Variants in AFF1 observed in about 807,000 individuals in gnomAD.
AFF1 encodes the protein ALF transcription elongation factor 1.
AFF1 carries 48 observed loss-of-function variants against 121.7 expected under a neutral mutation model. The ratio of observed to expected loss-of-function variants is 0.39; its 90% CI spans 0.31 to 0.50. The LOEUF is 0.50. Ranked by LOEUF, AFF1 falls within the 20% of genes least tolerant of loss-of-function variation. AFF1 has a pLI of 0.76. For synonymous variants in AFF1, 613 were observed against 563.0 expected (o/e 1.09, Z -1.26); for missense variants, 1,523 against 1,511.7 (o/e 1.01, Z -0.12).
At chr4:87,090,162 T>A in intron 6 of AFF1, 92 bp downstream of exon 6, 1 of 1,055,118 alleles carries the variant, frequency 9.5e-7, no homozygotes, top group Non-Finnish European at 1.4e-6. Flanking sequence ...TATTACTTGT[T>A]CAAATCTTTG....
At chr4:87,133,824 A>G (rs1245689922) in intron 19 of AFF1, among the ~76,000 whole-genome samples, 1 of 152,228 alleles carries the variant, frequency 6.6e-6, no homozygotes, top group Non-Finnish European at 1.5e-5. Flanking sequence ...GTTAACTTGC[A>G]GGTCCAGATA....
rs35457894 is a variant in AFF1 at position 87,138,490 on chromosome 4, G to GGTGTGT, written c.*2816_*2821dup. On this transcript the variant is annotated 3_prime_UTR_variant, in exon 21 of 21. Coordinates refer to ENST00000395146, the MANE Select transcript of AFF1 (RefSeq NM_001166693.3). ...GTAAATCTTGCCTTTGGCACTACAA[G>GGTGTGT]GTGTGTGTGTGTGTGTGTGTGTGTG... 1.1e-3 allele frequency: 232 copies of GGTGTGT among 219,126 alleles called. No homozygotes were observed. The highest frequency in any genetic ancestry group is 4.6e-3 in the African/African-American group (193 of 42,078). The allele number at this position is 219,126 out of a possible 1,614,324, so 13.6% of individuals were successfully genotyped here.
At chr4:87,023,766 A>T (rs935845953) in intron 2 of AFF1, among the ~76,000 whole-genome samples, 2 of 152,248 alleles carry the variant, frequency 1.3e-5, no homozygotes, top group African/African-American at 4.8e-5. Flanking sequence ...CAAACGGTGC[A>T]ATCACTGAAA....
Position 87,127,178 on chromosome 4 carries a change from C to CCA in AFF1, c.2903+61_2903+62insCA, listed in dbSNP as rs1560657691. ...GTTTTGTTTTGCTTCCCCCCCCCAC[C>CCA]AAGATAGAGTCTCACTCTGTCACCC... is the stretch of plus-strand genomic sequence containing the variant. On this transcript the variant is annotated intron_variant, in intron 15 of 20. Transcript: ENST00000395146. The CCA allele has an allele frequency of 6.5e-5, 85 of 1,298,696 alleles. 2 individuals are homozygous for CCA. In the African/African-American group the frequency reaches 7.2e-4, roughly 11 times the overall value. The allele number at this position is 1,298,696 out of a possible 1,614,324, so 80.4% of individuals were successfully genotyped here.
chr4:87,061,647 C>T (rs1285328547), intron 4 of AFF1, among the ~76,000 whole-genome samples: 1 of 152,208 alleles, frequency 6.6e-6, no homozygotes, highest in Non-Finnish European at 1.5e-5. Flanking sequence ...AGGCAGGGTG[C>T]ATGTGCTGTC....
In AFF1 at chr4:86,984,933, T is replaced by TA. The variant is rs1370215915; in HGVS notation, c.38+36368dup. Among the ~76,000 whole-genome samples the TA allele has an allele frequency of 4.0e-5, 6 of 151,242 alleles. No individual in the cohort carries two copies. The South Asian group carries it at 1.0e-3, about 26-fold the overall frequency. On this transcript the variant is annotated intron_variant, in intron 2 of 20. Coordinates refer to ENST00000395146, the MANE Select transcript of AFF1 (RefSeq NM_001166693.3). ...GAGACTCCATCTAAAAAAATAAAAA[T>TA]AAAAAAGACAAATCTTAAAGTGTTC...
rs1420301474 is a variant in AFF1, at chr4:87,000,675, A to T, written c.39-45491A>T. Among the ~76,000 whole-genome samples the T allele has an allele frequency of 5.4e-5, 8 of 148,882 alleles. No individual in the cohort carries two copies. The East Asian group carries it at 9.8e-4, about 18-fold the overall frequency. On this transcript the variant is annotated intron_variant, in intron 2 of 20. Coordinates refer to ENST00000395146, the MANE Select transcript of AFF1 (RefSeq NM_001166693.3). ...AGTGGGGGAACTTGAGCTTGTTTGT[A>T]GACTGATAATAAGTAATTGGTATAA...
rs373054568 is a variant in AFF1 at position 87,127,652 on chromosome 4, A to G, written c.2913A>G (p.Ala971=). Residue 971 remains alanine, a synonymous_variant, in exon 16 of 21, where the codon GCA becomes GCG. Transcript: ENST00000395146. ...TTTTCCTCTTTTTCAGACAACAAGC[A>G]GACCTTCACATGAGGGAGGCAAAAA... ...KPQVKFDKQQ[A]DLHMREAKKM... The G allele has an allele frequency of 1.2e-6, 2 of 1,614,098 alleles. No individual in the cohort carries two copies. Among genetic ancestry groups the G allele is most frequent in the Admixed American group, 3.3e-5 (2 of 60,004 alleles).
chr4:86,964,664 G>A (rs1335851606), intron 2 of AFF1, among the ~76,000 whole-genome samples: 1 of 151,378 alleles, frequency 6.6e-6, no homozygotes, highest in African/African-American at 2.4e-5. Context: ...GAACTCCCGA[G>A]CTCAGGTGAT....
chr4:87,018,366 G>A (rs1007233207), intron 2 of AFF1, among the ~76,000 whole-genome samples: 1 of 152,228 alleles, frequency 6.6e-6, no homozygotes, highest in African/African-American at 2.4e-5. Flanking sequence ...ATACTGTGAG[G>A]GAATAATAGG....
Position 86,948,583 on chromosome 4 carries a change from A to G in AFF1, c.38+12A>G, listed in dbSNP as rs747637760. 4.2e-5 allele frequency: 64 copies of G among 1,532,636 alleles called. 1 individual carries two copies. In the African/African-American group the frequency reaches 7.9e-4, roughly 19 times the overall value. The allele number at this position is 1,532,636 out of a possible 1,614,324, so 94.9% of individuals were successfully genotyped here. A position where few individuals can be genotyped will look rare whatever the true frequency, so the allele number is the denominator to read the frequency against. ...AGCAGTGGCAACAGGTAAGCATAGA[A>G]TCTATGATTCAAAGACATGCTGATA... On this transcript the variant is annotated intron_variant, in intron 2 of 20. Coordinates refer to ENST00000395146, the MANE Select transcript of AFF1 (RefSeq NM_001166693.3).
At chr4:87,057,084 C>T (rs1286586708) in intron 4 of AFF1, among the ~76,000 whole-genome samples, 1 of 151,984 alleles carries the variant, frequency 6.6e-6, no homozygotes, top group African/African-American at 2.4e-5. Flanking sequence ...AGAAGCTGTA[C>T]ATTTTTTTTT....
At chr4:86,951,153 A>G (rs1478805477) in intron 2 of AFF1, among the ~76,000 whole-genome samples, 1 of 152,172 alleles carries the variant, frequency 6.6e-6, no homozygotes, top group African/African-American at 2.4e-5. Context: ...TTGCATTGTC[A>G]TATAGCAATG....
intron 2 of AFF1, among the ~76,000 whole-genome samples, chr4:87,038,601 C>G (rs532976944): frequency 2.6e-5 from 4 of 152,162 alleles, no homozygotes; most frequent in African/African-American, 4.8e-5. Context: ...AGCATCCTGT[C>G]TTTTTGCCTC....
chr4:87,125,971 C>CT, intron 13 of AFF1, 128 bp from the exon 14 acceptor site: 1 of 932,600 alleles, frequency 1.1e-6, no homozygotes, highest in Non-Finnish European at 1.7e-6. Flanking sequence ...GAAATTTGGC[C>CT]TGTTTACACA....
At chr4:87,118,219 C>T (rs1727316942) in intron 12 of AFF1, among the ~76,000 whole-genome samples, 1 of 152,188 alleles carries the variant, frequency 6.6e-6, no homozygotes, top group African/African-American at 2.4e-5. Flanking sequence ...CCACTTCAGA[C>T]TTAAAAGTGT....
chr4:87,025,656 G>A (rs1037570540), intron 2 of AFF1, among the ~76,000 whole-genome samples: 1 of 152,114 alleles, frequency 6.6e-6, no homozygotes, highest in Non-Finnish European at 1.5e-5. Flanking sequence ...GCCTGGGAGG[G>A]GGGTGTGCTA....
At chr4:86,986,955 C>T (rs930263753) in intron 2 of AFF1, among the ~76,000 whole-genome samples, 1 of 151,742 alleles carries the variant, frequency 6.6e-6, no homozygotes, top group Non-Finnish European at 1.5e-5. Flanking sequence ...GATCCTCTGG[C>T]CTCACTGTCC....
At chr4:87,102,240 T>C (rs1298878660) in intron 8 of AFF1, among the ~76,000 whole-genome samples, 1 of 152,244 alleles carries the variant, frequency 6.6e-6, no homozygotes, top group African/African-American at 2.4e-5. Context: ...TGTATATGTT[T>C]TGAAATAACT....
Sources: allele counts gnomAD v4.1 joint callset (sites outside exome capture counted in the v4.1 genomes callset), GRCh38; gene constraint gnomAD v4.1.1; transcripts MANE v1.5; gene names NCBI Gene and HGNC (gene_info 2026-07-23, HGNC 2026-07-21).